Variants in SVEP1 observed in about 807,000 individuals in gnomAD.
SVEP1 encodes the protein sushi, von Willebrand factor type A, EGF and pentraxin domain-containing protein 1.
A neutral mutation model predicts 367.3 loss-of-function variants in SVEP1; 164 were observed. The ratio of observed to expected loss-of-function variants is 0.45; its 90% CI spans 0.39 to 0.51. The LOEUF (loss-of-function observed/expected upper bound fraction) is 0.51, where lower values mean the gene tolerates loss of function less well. SVEP1 is among the 20% of genes least tolerant of loss of function. The pLI, the probability that SVEP1 is intolerant of heterozygous loss-of-function variation, is 0.00. For synonymous variants in SVEP1, 1,666 were observed against 1,611.6 expected, an observed-to-expected ratio of 1.03 and a Z score of -0.81; for missense variants, 4,117 against 4,425.3, an observed-to-expected ratio of 0.93 and a Z score of 1.98.
At chr9:110,566,368 AAATAAT>A (rs1830494198) in intron 1 of SVEP1, among the ~76,000 whole-genome samples, 1 of 150,134 alleles carries the variant, frequency 6.7e-6, no homozygotes, top group Non-Finnish European at 1.5e-5. Flanking sequence ...ATAAATAAAT[AAATAAT>A]AACCTAAGTA....
chr9:110,368,357 A>AC (rs1755829319), intron 47 of SVEP1, among the ~76,000 whole-genome samples: 4 of 152,124 alleles, frequency 2.6e-5, no homozygotes. Flanking sequence ...AGGAGGAGGA[A>AC]CCTGTCTGGT....
At chr9:110,519,437 C>T (rs190445449) in intron 3 of SVEP1, among the ~76,000 whole-genome samples, 97 of 152,278 alleles carry the variant, frequency 6.4e-4, no homozygotes, top group African/African-American at 2.3e-3. Context: ...TCTCCAGCAT[C>T]CTTCAAGACT....
chr9:110,484,840 T>A (rs6477772), intron 9 of SVEP1, among the ~76,000 whole-genome samples: 129,820 of 152,234 alleles, frequency 0.85, 55,483 homozygotes, highest in East Asian at 0.99. Flanking sequence ...AAAAAGCTCA[T>A]TATCACTGAT....
At chr9:110,430,735 C>T (rs1828338357) in intron 32 of SVEP1, among the ~76,000 whole-genome samples, 1 of 152,172 alleles carries the variant, frequency 6.6e-6, no homozygotes, top group South Asian at 2.1e-4. Flanking sequence ...AGTGGTGGTG[C>T]TAGAGAGTGG....
At chr9:110,372,400 T>C (rs1827291860) in intron 46 of SVEP1, among the ~76,000 whole-genome samples, 1 of 152,192 alleles carries the variant, frequency 6.6e-6, no homozygotes, top group Non-Finnish European at 1.5e-5. Flanking sequence ...GTGGTATGCT[T>C]AGTACTTAGG....
At chr9:110,459,724 C>T (rs1306032981) in intron 18 of SVEP1, among the ~76,000 whole-genome samples, 1 of 151,918 alleles carries the variant, frequency 6.6e-6, no homozygotes, top group Non-Finnish European at 1.5e-5. Flanking sequence ...ATTTATACTC[C>T]CATTAGTAGT....
chr9:110,575,451 G>A (rs575715005), intron 1 of SVEP1, among the ~76,000 whole-genome samples: 1 of 152,158 alleles, frequency 6.6e-6, no homozygotes, highest in African/African-American at 2.4e-5. Context: ...TAGGAATAAG[G>A]CCAGCCATCA....
chr9:110,366,562 T>C lies in SVEP1; in HGVS notation c.10695-2A>G. 3 of 1,500,438 alleles carry C rather than the reference T, an allele frequency of 2.0e-6. No homozygotes were observed. The highest frequency in any genetic ancestry group is 1.8e-6 in the Non-Finnish European group (2 of 1,133,010). The allele number at this position is 1,500,438 out of a possible 1,614,324, so 92.9% of individuals were successfully genotyped here. On this transcript the variant is annotated splice_acceptor_variant, in intron 47 of 47. Coordinates refer to ENST00000374469, the MANE Select transcript of SVEP1 (RefSeq NM_153366.4). LOFTEE classifies it high-confidence loss of function. ...GGTTAAAACCCAGTCCTCCTTTTCC[T>C]GGAAAAAAAAAAAAAAGCAACCAAA...
At position 110,513,985 on chromosome 9, in the gene SVEP1, G is replaced by A. The variant is rs939581910; in HGVS notation, c.1086C>T (p.Cys362=). ...GGCCAGATGCCCTGTATCCCTCTCT[G>A]CAGACACAGTCTTCAGGGGATGTGC... ...PGSTSPEDCV[C]REGYRASGQT... Residue 362 remains cysteine (C), a synonymous_variant, in exon 4 of 48, where the codon TGC becomes TGT. Coordinates refer to ENST00000374469, the MANE Select transcript of SVEP1 (RefSeq NM_153366.4). 2 of 1,613,150 alleles carry A rather than the reference G, an allele frequency of 1.2e-6. No individual in the cohort carries two copies. Among genetic ancestry groups the A allele is most frequent in the Non-Finnish European group, 8.5e-7 (1 of 1,179,600 alleles).
intron 1 of SVEP1, among the ~76,000 whole-genome samples, chr9:110,569,759 T>C (rs1256467412): frequency 6.6e-6 from 1 of 152,226 alleles, no homozygotes; most frequent in African/African-American, 2.4e-5. Context: ...ACTATTTCAA[T>C]AGACATAGTA....
intron 5 of SVEP1, among the ~76,000 whole-genome samples, chr9:110,508,413 TTTAG>T (rs1396522780): frequency 2.0e-5 from 3 of 152,038 alleles, no homozygotes; most frequent in Non-Finnish European, 2.9e-5. Flanking sequence ...TTTACTCAGG[TTTAG>T]TTAGTTAAGA....
Position 110,379,537 on chromosome 9 carries a change from C to A in SVEP1, c.10238-20G>T. The A allele has an allele frequency of 6.2e-7, 1 of 1,612,484 alleles. No individual in the cohort carries two copies. Among genetic ancestry groups the A allele is most frequent in the Non-Finnish European group, 8.5e-7 (1 of 1,179,124 alleles). On this transcript the variant is annotated intron_variant, in intron 43 of 47. Coordinates refer to ENST00000374469, the MANE Select transcript of SVEP1 (RefSeq NM_153366.4). ...AGATTTCTACAGGATAACAAAACAA[C>A]AATTAAGCTTGTGCTATTAACACAG...
At chr9:110,538,084 A>G (rs1175050519) in intron 3 of SVEP1, among the ~76,000 whole-genome samples, 1 of 152,010 alleles carries the variant, frequency 6.6e-6, no homozygotes, top group Non-Finnish European at 1.5e-5. Context: ...AAGGAACACA[A>G]CACACTGACT....
intron 8 of SVEP1, among the ~76,000 whole-genome samples, chr9:110,496,447 AC>A (rs1829447826): frequency 6.6e-6 from 1 of 151,854 alleles, no homozygotes; most frequent in South Asian, 2.1e-4. Context: ...TGAACATCAG[AC>A]TCCAAGTTCT....
chr9:110,432,680 A>G, intron 30 of SVEP1, 45 bp from the exon 31 acceptor site: 1 of 1,550,620 alleles, frequency 6.4e-7, no homozygotes, highest in Non-Finnish European at 8.7e-7. Context: ...AGAGCAAAAT[A>G]CTCCAAGAAC....
chr9:110,416,248 A>G lies in SVEP1; in HGVS notation c.5976-4513T>C, dbSNP rs752231136. ...AAAAAAGCTCTAAAATATAAAAAATAGTATGAAATAAGTATGTTGAAATAA... is the reference window on the plus strand; with the variant it reads ...AAAAAAGCTCTAAAATATAAAAAATGGTATGAAATAAGTATGTTGAAATAA... On this transcript the variant is annotated intron_variant, in intron 36 of 47. Transcript: ENST00000374469. Among the ~76,000 whole-genome samples, 38 of 152,166 alleles carry G rather than the reference A, an allele frequency of 2.5e-4. 1 individual carries two copies. The highest frequency in any genetic ancestry group is 3.4e-3 in the Middle Eastern group (1 of 294).
In SVEP1 at chr9:110,451,243, G is replaced by T. The variant is rs1286298928; in HGVS notation, c.3901+46C>A. The T allele has an allele frequency of 1.0e-5, 15 of 1,480,672 alleles. No individual in the cohort carries two copies. In the Admixed American group the frequency reaches 2.6e-4, roughly 26 times the overall value. The allele number at this position is 1,480,672 out of a possible 1,614,324, so 91.7% of individuals were successfully genotyped here. ...TTAAGAAATGTACTAATTTGTGGTG[G>T]TTTACAAGATTTTAAGACAACATAG... On this transcript the variant is annotated intron_variant, in intron 23 of 47. Transcript: ENST00000374469.
intron 40 of SVEP1, among the ~76,000 whole-genome samples, chr9:110,390,668 T>C (rs1374633673): frequency 6.6e-6 from 1 of 151,916 alleles, no homozygotes. Flanking sequence ...AGAGCAGCAA[T>C]TTGTCAGTGA....
chr9:110,410,840 G>C (rs1374849645), intron 37 of SVEP1, among the ~76,000 whole-genome samples: 1 of 152,182 alleles, frequency 6.6e-6, no homozygotes, highest in Non-Finnish European at 1.5e-5. Context: ...CCTCCAGAAA[G>C]TGATTCACAA....
Sources: gnomAD v4.1 joint callset for allele counts (sites outside exome capture counted in the v4.1 genomes callset) on GRCh38, gnomAD v4.1.1 for gene constraint, MANE v1.5 for transcripts, NCBI Gene and HGNC (gene_info 2026-07-23, HGNC 2026-07-21) for gene names.